The following ECPAS variants were observed in gnomAD, a reference collection of about 807,000 sequenced individuals.
ECPAS encodes Ecm29 proteasome adaptor and scaffold.
In ECPAS, 70 loss-of-function variants were observed where a neutral mutation model predicts 255.1. The observed-to-expected ratio is 0.27, with a 90% CI of 0.23 to 0.33. The LOEUF is 0.33. Ranked by LOEUF, ECPAS falls within the 10% of genes least tolerant of loss-of-function variation. The probability of loss-of-function intolerance (pLI) is 1.00; values close to 1 mark genes in which losing one functional copy is unlikely to be tolerated. For missense variants in ECPAS, 1,817 were observed against 2,206.4 expected (o/e 0.82, Z 3.54); for synonymous variants, 784 against 775.0 (o/e 1.01, Z -0.19).
chr9:111,420,183 AC>A, intron 15 of ECPAS, 63 bp from the exon 16 acceptor site: 1 of 1,083,074 alleles, frequency 9.2e-7, no homozygotes, highest in Non-Finnish European at 1.4e-6. Flanking sequence ...AAAATCAATT[AC>A]CAGCCATTCA....
rs1381279927 is a variant in ECPAS at position 111,445,326 on chromosome 9, T to TA, written c.154-833dup. On this transcript the variant is annotated intron_variant, in intron 3 of 49. Transcript: ENST00000684092. ...ATTTATTTTTACAATGTCCTTTAGT[T>TA]AAAGTTGAGATCCAAGTTGGGCCTA... 2.6e-5 allele frequency among the ~76,000 whole-genome samples: 4 copies of TA among 152,070 alleles called. No individual in the cohort carries two copies. In the East Asian group the frequency reaches 7.7e-4, roughly 29 times the overall value.
intron 46 of ECPAS, among the ~76,000 whole-genome samples, chr9:111,368,707 C>A (rs1482573454): frequency 6.6e-6 from 1 of 152,132 alleles, no homozygotes; most frequent in Non-Finnish European, 1.5e-5. Flanking sequence ...CATTCCCAAG[C>A]CAAGGAGAGA....
chr9:111,441,050 G>C (rs1003064736), intron 5 of ECPAS, among the ~76,000 whole-genome samples: 1 of 151,942 alleles, frequency 6.6e-6, no homozygotes, highest in Non-Finnish European at 1.5e-5. Context: ...TACTTGGCAG[G>C]CTGAGGCAGG....
chr9:111,449,828 G>A (rs1316067557), intron 3 of ECPAS, among the ~76,000 whole-genome samples: 8 of 151,956 alleles, frequency 5.3e-5, no homozygotes, highest in Admixed American at 1.3e-4. Flanking sequence ...ATCAGGCTTC[G>A]TCTCATGCAC....
At chr9:111,423,074 C>G in intron 13 of ECPAS, 125 bp downstream of exon 13, 1 of 693,196 alleles carries the variant, frequency 1.4e-6, no homozygotes, top group Admixed American at 2.7e-5. Flanking sequence ...TCTAAACAAC[C>G]TATGACCATT....
chr9:111,378,946 T>C (rs2098136986), intron 35 of ECPAS, among the ~76,000 whole-genome samples: 1 of 152,234 alleles, frequency 6.6e-6, no homozygotes, highest in South Asian at 2.1e-4. Flanking sequence ...AGGAAAAGCC[T>C]ACCTTCATTA....
At chr9:111,425,092 C>G (rs1365385434) in intron 12 of ECPAS, among the ~76,000 whole-genome samples, 1 of 151,480 alleles carries the variant, frequency 6.6e-6, no homozygotes, top group East Asian at 1.9e-4. Context: ...GAGGCTGAGG[C>G]AAGAGAATCA....
Position 111,361,984 on chromosome 9 carries a change from C to A in ECPAS, c.*46G>T. Reference sequence around the variant, plus strand: ...GGTTTTTCAAAGAACACCACCACTTCAACCCCCAATGAACATGGCACTTGT... The same window carrying A: ...GGTTTTTCAAAGAACACCACCACTTAAACCCCCAATGAACATGGCACTTGT... On this transcript the variant is annotated 3_prime_UTR_variant, in exon 50 of 50. Coordinates refer to ENST00000684092, the MANE Select transcript of ECPAS (RefSeq NM_001364929.1). The A allele has an allele frequency of 6.3e-7, 1 of 1,597,756 alleles. No homozygotes were observed. Among genetic ancestry groups the A allele is most frequent in the Non-Finnish European group, 8.5e-7 (1 of 1,171,440 alleles).
At position 111,421,961 on chromosome 9, in the gene ECPAS, C is replaced by A. The variant is rs146690306; in HGVS notation, c.1415G>T (p.Arg472Leu). 1.9e-6 allele frequency: 3 copies of A among 1,613,584 alleles called. No individual in the cohort carries two copies. The highest frequency in any genetic ancestry group is 2.5e-6 in the Non-Finnish European group (3 of 1,179,736). The change falls in exon 15 of 50, where the codon CGA becomes CTA. Residue 472 changes from arginine (R) to leucine (L), a missense_variant. Arg to Leu is a moderately radical substitution (Grantham distance 102). Transcript: ENST00000684092. Reference sequence around the variant, plus strand: ...AGCCACAAGTGCCTCCATGAGAGTTCGCTGTGCCCCTTCCAAAGTACTATA... The same window carrying A: ...AGCCACAAGTGCCTCCATGAGAGTTAGCTGTGCCCCTTCCAAAGTACTATA... ...GAYSTLEGAQ[R>L]TLMEALVASY...
At chr9:111,364,498 C>T (rs1160731671) in intron 48 of ECPAS, among the ~76,000 whole-genome samples, 1 of 152,152 alleles carries the variant, frequency 6.6e-6, no homozygotes, top group Non-Finnish European at 1.5e-5. Context: ...AAGAATCTTG[C>T]TTACAACAGA....
At chr9:111,465,483 T>C (rs2098278422) in intron 2 of ECPAS, among the ~76,000 whole-genome samples, 1 of 152,038 alleles carries the variant, frequency 6.6e-6, no homozygotes, top group Non-Finnish European at 1.5e-5. Flanking sequence ...GAGGTTGCAG[T>C]GAGCCGAGAT....
intron 2 of ECPAS, among the ~76,000 whole-genome samples, chr9:111,470,808 T>C (rs2098286940): frequency 7.0e-6 from 1 of 142,436 alleles, no homozygotes; most frequent in South Asian, 2.2e-4. Context: ...GAGGAAATCA[T>C]AGGAGTAGCT....
intron 7 of ECPAS, among the ~76,000 whole-genome samples, chr9:111,434,216 C>T (rs1449482274): frequency 6.6e-6 from 1 of 152,058 alleles, no homozygotes; most frequent in Non-Finnish European, 1.5e-5. Context: ...CTCCCCTGCT[C>T]GATACAACTT....
chr9:111,363,780 A>AT (rs76745403), intron 48 of ECPAS, 121 bp from the exon 49 acceptor site: 54,953 of 467,592 alleles, frequency 0.12, 770 homozygotes, highest in East Asian at 0.23. Context: ...GGTATATCTG[A>AT]TTTTTTTTTT....
rs549640153 is a variant in ECPAS, at chr9:111,438,432, C to T, written c.540-1324G>A. Among the ~76,000 whole-genome samples, 5 of 151,124 alleles carry T rather than the reference C, an allele frequency of 3.3e-5. No homozygotes were observed. In the East Asian group the frequency reaches 1.0e-3, roughly 30 times the overall value. ...CTTGAGTCCAGGAGTTTGGTGACCCCCTATCTCTACAAAAAATACAAAAAA... is the reference window on the plus strand; with the variant it reads ...CTTGAGTCCAGGAGTTTGGTGACCCTCTATCTCTACAAAAAATACAAAAAA... On this transcript the variant is annotated intron_variant, in intron 6 of 49. Coordinates refer to ENST00000684092, the MANE Select transcript of ECPAS (RefSeq NM_001364929.1).
At chr9:111,370,943 A>G (rs2131502728) in intron 43 of ECPAS, among the ~76,000 whole-genome samples, 178 bp from the exon 44 acceptor site, 1 of 152,370 alleles carries the variant, frequency 6.6e-6, no homozygotes, top group South Asian at 2.1e-4. Flanking sequence ...ACTCCAAACC[A>G]TGGATGTAGG....
chr9:111,429,349 T>C (rs751411154), intron 9 of ECPAS, among the ~76,000 whole-genome samples: 6 of 152,144 alleles, frequency 3.9e-5, no homozygotes, highest in Non-Finnish European at 7.3e-5. Context: ...GGTAGGAACC[T>C]AGCAAGTACA....
In ECPAS at chr9:111,394,195, G is replaced by A; in HGVS notation, c.2887C>T (p.Leu963Phe). ...RQAACIWLLS[L>F]VRKLSTHKEV... The stretch of plus-strand genomic sequence containing the variant: ...TTGTGGGTACTTAGCTTCCTGACAA[G>A]GGAAAGGAGCCAGATGCAGGCTGCT... Residue 963 changes from leucine (L) to phenylalanine (F), a missense_variant, in exon 26 of 50, where the codon CTT (leucine) becomes TTT (phenylalanine). By Grantham distance (22) the Leu-to-Phe change is conservative. This residue lies in a region of ECPAS where 960 missense variants were observed against 1,179.0 expected (regional missense o/e 0.81). Transcript: ENST00000684092. 6.2e-7 allele frequency: 1 copy of A among 1,608,916 alleles called. No individual in the cohort carries two copies. Among genetic ancestry groups the A allele is most frequent in the Non-Finnish European group, 8.5e-7 (1 of 1,177,502 alleles).
intron 45 of ECPAS, 57 bp from the exon 46 acceptor site, chr9:111,369,230 T>C: frequency 1.5e-6 from 2 of 1,359,048 alleles, no homozygotes; most frequent in South Asian, 3.6e-5. Flanking sequence ...GTTACAGGTA[T>C]ACTATTAAAG....
Sources: allele counts gnomAD v4.1 joint callset (sites outside exome capture counted in the v4.1 genomes callset), GRCh38; gene constraint gnomAD v4.1.1; regional missense constraint gnomAD v4.1.1; transcripts MANE v1.5; gene names NCBI Gene and HGNC (gene_info 2026-07-23, HGNC 2026-07-21).